The following EXOC3L4 variants were observed in gnomAD, a reference collection of about 807,000 sequenced individuals.
The protein encoded by EXOC3L4 is exocyst complex component 3-like protein 4.
In EXOC3L4, 62 loss-of-function variants were observed where a neutral mutation model predicts 69.7. The ratio of observed to expected loss-of-function variants is 0.89; its 90% CI spans 0.72 to 1.10. The LOEUF is 1.10. Ranked by LOEUF, EXOC3L4 falls within the 50% of genes least tolerant of loss-of-function variation. The probability of loss-of-function intolerance (pLI) is 0.00; values close to 1 mark genes in which losing one functional copy is unlikely to be tolerated. For missense variants in EXOC3L4, 1,087 were observed against 1,034.8 expected (o/e 1.05, Z -0.69); for synonymous variants, 502 against 464.2 (o/e 1.08, Z -1.05).
chr14:103,103,803 T>TGTGTGTGG, intron 3 of EXOC3L4, 138 bp from the exon 4 acceptor site: 1 of 541,052 alleles, frequency 1.8e-6, no homozygotes, highest in Non-Finnish European at 3.3e-6. Context: ...CGCGCGTGTG[T>TGTGTGTGG]GTGTGTGTGT....
rs372770306 is a variant in EXOC3L4, at chr14:103,100,344, G to A, written c.125G>A (p.Arg42His). The change falls in exon 2 of 12, where the codon CGC (arginine) becomes CAC (histidine). Residue 42 changes from arginine (R) to histidine (H), a missense_variant. Physicochemically the swap from Arg to His is conservative, Grantham distance 29. Coordinates refer to ENST00000688303, the MANE Select transcript of EXOC3L4 (RefSeq NM_001077594.2). ...AGCAGGAAAGAGCCCAATGCCCACC[G>A]CAAGGATGGCACAAGGCTGGGCCTG... Reference protein sequence around the residue: ...TSSRKEPNAHRKDGTRLGLGS... With the variant: ...TSSRKEPNAHHKDGTRLGLGS... 3.4e-5 allele frequency: 55 copies of A among 1,599,484 alleles called. No individual in the cohort carries two copies. Among genetic ancestry groups the A allele is most frequent in the South Asian group, 1.7e-4 (15 of 89,112 alleles).
In EXOC3L4 at chr14:103,102,520, T is replaced by G. The variant is rs533328127; in HGVS notation, c.797T>G (p.Phe266Cys). 1 of 1,395,066 alleles carries G rather than the reference T, an allele frequency of 7.2e-7. No homozygotes were observed. The highest frequency in any genetic ancestry group is 1.5e-5 in the African/African-American group (1 of 66,248). The allele number at this position is 1,395,066 out of a possible 1,614,324, so 86.4% of individuals were successfully genotyped here. A position where few individuals can be genotyped will look rare whatever the true frequency, so the allele number is the denominator to read the frequency against. ...CGGCGGCCGGGCGCGGGGTGGGCCT[T>G]CGGGGAGGCGGAGGGCGCGTCGGGT... Reference protein sequence around the residue: ...RVRRPGAGWAFGEAEGASGLA... With the variant: ...RVRRPGAGWACGEAEGASGLA... Residue 266 changes from phenylalanine to cysteine, a missense_variant, in exon 3 of 12, where the codon TTC (phenylalanine) becomes TGC (cysteine). By Grantham distance (205) the Phe-to-Cys change is radical. Transcript: ENST00000688303.
chr14:103,110,231 T>A lies in EXOC3L4; in HGVS notation c.*8T>A. The A allele has an allele frequency of 6.7e-7, 1 of 1,500,118 alleles. No individual in the cohort carries two copies. Among genetic ancestry groups the A allele is most frequent in the Non-Finnish European group, 8.9e-7 (1 of 1,123,558 alleles). The allele number at this position is 1,500,118 out of a possible 1,614,324, so 92.9% of individuals were successfully genotyped here. On this transcript the variant is annotated 3_prime_UTR_variant, in exon 12 of 12. Coordinates refer to ENST00000688303, the MANE Select transcript of EXOC3L4 (RefSeq NM_001077594.2). Reference sequence around the variant, plus strand: ...CTGATCACCTGCGTCTAGTTCTCTCTGGCTCGAGGGGGGGCCGGCCGCTGG... The same window carrying A: ...CTGATCACCTGCGTCTAGTTCTCTCAGGCTCGAGGGGGGGCCGGCCGCTGG...
rs1390278830 is a variant in EXOC3L4 at position 103,094,760 on chromosome 14, C to A, written c.-97C>A. On this transcript the variant is annotated 5_prime_UTR_variant, in exon 1 of 12. Coordinates refer to ENST00000688303, the MANE Select transcript of EXOC3L4 (RefSeq NM_001077594.2). ...CAGGCTGCTCTAGAGGCCCCATAGC[C>A]AGGGCCCGGCTCTGAGGGCCCCACG... 6.6e-6 allele frequency: 1 copy of A among 152,410 alleles called. No individual in the cohort carries two copies. Among genetic ancestry groups the A allele is most frequent in the Non-Finnish European group, 1.5e-5 (1 of 68,176 alleles). The allele number at this position is 152,410 out of a possible 1,614,324, so 9.4% of individuals were successfully genotyped here.
At chr14:103,109,915 A>G in intron 11 of EXOC3L4, 116 bp from the exon 12 acceptor site, 1 of 1,148,364 alleles carries the variant, frequency 8.7e-7, no homozygotes. Context: ...CTCCCTGACC[A>G]TCCTGGAATG....
chr14:103,106,726 T>C, intron 7 of EXOC3L4, 59 bp from the exon 8 acceptor site: 1 of 1,077,338 alleles, frequency 9.3e-7, no homozygotes, highest in Non-Finnish European at 1.3e-6. Context: ...TGTGCCCGGC[T>C]CTATTCCCCA....
intron 1 of EXOC3L4, among the ~76,000 whole-genome samples, chr14:103,096,934 C>G (rs1264883156): frequency 6.6e-6 from 1 of 152,226 alleles, no homozygotes; most frequent in Non-Finnish European, 1.5e-5. Flanking sequence ...CCGCACAGGG[C>G]TTCGGCCCAG....
chr14:103,110,490 G>A lies in EXOC3L4; in HGVS notation c.*267G>A, dbSNP rs566826839. On this transcript the variant is annotated 3_prime_UTR_variant, in exon 12 of 12. Coordinates refer to ENST00000688303, the MANE Select transcript of EXOC3L4 (RefSeq NM_001077594.2). ...GCGGGGGGGGGCCTCCCGCCCGACT[G>A]TCCAGCTTCACCCTCCAGTCTGAAA... 127 of 599,008 alleles carry A rather than the reference G, an allele frequency of 2.1e-4. No homozygotes were observed. The African/African-American group carries it at 2.3e-3, about 11-fold the overall frequency. The allele number at this position is 599,008 out of a possible 1,614,324, so 37.1% of individuals were successfully genotyped here.
chr14:103,107,924 T>A, intron 10 of EXOC3L4, 141 bp downstream of exon 10: 1 of 1,253,160 alleles, frequency 8.0e-7, no homozygotes, highest in Non-Finnish European at 1.1e-6. Context: ...CTGGGGCGCC[T>A]GTGGGGCTGG....
At chr14:103,100,150 G>GA (rs1957420914) in intron 1 of EXOC3L4, 54 bp from the exon 2 acceptor site, 1 of 1,460,316 alleles carries the variant, frequency 6.8e-7, no homozygotes, top group African/African-American at 1.4e-5. Flanking sequence ...AGGCCCCACA[G>GA]GGCCACAACA....
Position 103,110,302 on chromosome 14 carries a change from A to G in EXOC3L4, c.*79A>G, listed in dbSNP as rs1259945527. The G allele has an allele frequency of 2.1e-6, 3 of 1,440,666 alleles. No homozygotes were observed. In the African/African-American group the frequency reaches 4.3e-5, roughly 20 times the overall value. The allele number at this position is 1,440,666 out of a possible 1,614,324, so 89.2% of individuals were successfully genotyped here. A position where few individuals can be genotyped will look rare whatever the true frequency, so the allele number is the denominator to read the frequency against. ...GGGTCAGCCAGGAGCCCAGGGAGTCACTCTGGGCCCTGCCCCCAACTCTGA... is the reference window on the plus strand; with the variant it reads ...GGGTCAGCCAGGAGCCCAGGGAGTCGCTCTGGGCCCTGCCCCCAACTCTGA... On this transcript the variant is annotated 3_prime_UTR_variant, in exon 12 of 12. Transcript: ENST00000688303.
intron 2 of EXOC3L4, 99 bp downstream of exon 2, chr14:103,100,712 C>T: frequency 7.3e-7 from 1 of 1,372,900 alleles, no homozygotes; most frequent in Admixed American, 2.7e-5. Context: ...CCCTAGCTCC[C>T]CAAACCCTGC....
chr14:103,101,747 G>A (rs998111125), intron 2 of EXOC3L4, among the ~76,000 whole-genome samples: 10 of 152,262 alleles, frequency 6.6e-5, no homozygotes, highest in African/African-American at 2.2e-4. Context: ...CTGGACACGG[G>A]CAGGACACGC....
chr14:103,104,605 C>A, intron 5 of EXOC3L4, 133 bp from the exon 6 acceptor site: 1 of 1,216,544 alleles, frequency 8.2e-7, no homozygotes, highest in South Asian at 1.7e-5. Flanking sequence ...TCCAGTTGGG[C>A]GGCTGAAAGC....
chr14:103,109,883 T>C (rs946367205), intron 11 of EXOC3L4, 148 bp from the exon 12 acceptor site: 3 of 870,300 alleles, frequency 3.4e-6, no homozygotes, highest in African/African-American at 3.5e-5. Flanking sequence ...GCACAGCTCT[T>C]CCTGGCCTCA....
chr14:103,100,903 T>TA (rs72094144), intron 2 of EXOC3L4, among the ~76,000 whole-genome samples: 13 of 42,146 alleles, frequency 3.1e-4, no homozygotes, highest in Non-Finnish European at 2.2e-4. Flanking sequence ...ACCCGGCTAA[T>TA]TTTTTTTTTT....
chr14:103,100,298 C>T lies in EXOC3L4; in HGVS notation c.79C>T (p.Gln27Ter), dbSNP rs1349924768. 1.9e-6 allele frequency: 3 copies of T among 1,582,052 alleles called. No homozygotes were observed. The highest frequency in any genetic ancestry group is 1.7e-6 in the Non-Finnish European group (2 of 1,163,252). Residue 27 changes from glutamine to a stop codon, truncating the protein, a stop_gained, in exon 2 of 12, where the codon CAG (glutamine) becomes TAG (stop). Coordinates refer to ENST00000688303, the MANE Select transcript of EXOC3L4 (RefSeq NM_001077594.2). LOFTEE classifies it high-confidence loss of function. ...KEAEEPQTPA[Q>*]GSRRTSSRKE... is the part of the protein sequence containing the mutation. ...GGCTGAGGAGCCACAGACTCCAGCT[C>T]AGGGCTCCCGGCGAACAAGCAGCAG...
In EXOC3L4 at chr14:103,106,795, C is replaced by A; in HGVS notation, c.1477C>A (p.Leu493Ile). 1 of 1,582,112 alleles carries A rather than the reference C, an allele frequency of 6.3e-7. No individual in the cohort carries two copies. Among genetic ancestry groups the A allele is most frequent in the Non-Finnish European group, 8.6e-7 (1 of 1,163,110 alleles). ...NACEELRTSLLSRFPGTQEEL... is the reference protein window; with the variant it reads ...NACEELRTSLISRFPGTQEEL... ...CTGGCCCCTCCCCAGGACCAGTCTT[C>A]TCTCCAGGTTCCCAGGAACCCAAGA... is the stretch of plus-strand genomic sequence containing the variant. The change falls in exon 8 of 12, where the codon CTC becomes ATC. Residue 493 changes from leucine to isoleucine, a missense_variant. Leu to Ile is a conservative substitution (Grantham distance 5). Coordinates refer to ENST00000688303, the MANE Select transcript of EXOC3L4 (RefSeq NM_001077594.2).
At chr14:103,101,226 A>AT (rs1409003278) in intron 2 of EXOC3L4, among the ~76,000 whole-genome samples, 1 of 151,340 alleles carries the variant, frequency 6.6e-6, no homozygotes, top group Non-Finnish European at 1.5e-5. Flanking sequence ...ATTTGTTTTT[A>AT]TTTTTTTGTA....
Sources: allele counts gnomAD v4.1 joint callset (sites outside exome capture counted in the v4.1 genomes callset), GRCh38; gene constraint gnomAD v4.1.1; transcripts MANE v1.5; gene names NCBI Gene and HGNC (gene_info 2026-07-23, HGNC 2026-07-21).